The following WDR41 variants were observed in gnomAD, a reference collection of about 807,000 sequenced individuals.
WDR41 encodes WD repeat domain 41, also known as WD repeat-containing protein 41.
Under a neutral mutation model 69.3 loss-of-function variants are expected in WDR41, and 63 were observed. That is an observed-to-expected ratio of 0.91 (90% confidence interval 0.74 to 1.12). The LOEUF is 1.12. WDR41 is among the 50% of genes most tolerant of loss of function. The pLI, the probability that WDR41 is intolerant of heterozygous loss-of-function variation, is 0.00. For missense variants in WDR41, 543 were observed against 534.5 expected (o/e 1.02, Z -0.16); for synonymous variants, 185 against 192.1 (o/e 0.96, Z 0.31).
chr5:77,502,443 C>T (rs1205724167), intron 1 of WDR41, among the ~76,000 whole-genome samples: 1 of 152,124 alleles, frequency 6.6e-6, no homozygotes, highest in East Asian at 1.9e-4. Context: ...TTGGAAAACA[C>T]TCTTCAGGAT....
chr5:77,464,561 A>C (rs1800215180), intron 3 of WDR41, among the ~76,000 whole-genome samples, 200 bp downstream of exon 3: 1 of 152,060 alleles, frequency 6.6e-6, no homozygotes, highest in African/African-American at 2.4e-5. Context: ...AAAAAATCTC[A>C]ATTTAAAAAA....
intron 1 of WDR41, among the ~76,000 whole-genome samples, chr5:77,511,367 A>C (rs1802200448): frequency 6.6e-6 from 1 of 152,216 alleles, no homozygotes. Context: ...TGTGGAATTA[A>C]GGAGAATGCA....
At chr5:77,559,210 TG>T (rs1289739601) in intron 1 of WDR41, among the ~76,000 whole-genome samples, 3 of 152,212 alleles carry the variant, frequency 2.0e-5, no homozygotes, top group African/African-American at 7.2e-5. Flanking sequence ...ACTCCCACTG[TG>T]GCCAATTTCA....
upstream of WDR41, chr5:77,492,319 G>A (rs1163552654): frequency 2.0e-6 from 3 of 1,504,174 alleles, no homozygotes; most frequent in South Asian, 3.6e-5. Flanking sequence ...GCGCAACTGA[G>A]ACGCTAATAC....
intron 1 of WDR41, among the ~76,000 whole-genome samples, chr5:77,567,732 T>G (rs1396056440): frequency 6.6e-6 from 1 of 151,918 alleles, no homozygotes; most frequent in East Asian, 1.9e-4. Flanking sequence ...GAAACCTGTT[T>G]AAAATGAACA....
At chr5:77,486,275 T>C (rs955454924) in intron 2 of WDR41, among the ~76,000 whole-genome samples, 4 of 152,206 alleles carry the variant, frequency 2.6e-5, no homozygotes, top group Admixed American at 6.5e-5. Flanking sequence ...AACTTCATAG[T>C]TGATTATATG....
chr5:77,464,566 A>T (rs915885746), intron 3 of WDR41, among the ~76,000 whole-genome samples, 195 bp downstream of exon 3: 6 of 152,038 alleles, frequency 3.9e-5, no homozygotes, highest in Non-Finnish European at 7.4e-5. Flanking sequence ...ATCTCAATTT[A>T]AAAAAACTTT....
At chr5:77,468,755 G>T (rs530015829) in intron 2 of WDR41, among the ~76,000 whole-genome samples, 41 of 152,078 alleles carry the variant, frequency 2.7e-4, no homozygotes, top group Non-Finnish European at 5.4e-4. Context: ...GCACCCCAGT[G>T]GTTAACTTTC....
At chr5:77,600,698 G>A (rs912724231) in intron 1 of WDR41, among the ~76,000 whole-genome samples, 1 of 152,086 alleles carries the variant, frequency 6.6e-6, no homozygotes, top group Non-Finnish European at 1.5e-5. Flanking sequence ...TGGACAAGAT[G>A]GTGAAACCCC....
At chr5:77,561,712 T>C (rs1013681501) in intron 1 of WDR41, among the ~76,000 whole-genome samples, 4 of 152,142 alleles carry the variant, frequency 2.6e-5, no homozygotes, top group Admixed American at 6.6e-5. Context: ...CAACACAAAT[T>C]GTTCACTTCA....
At chr5:77,445,572 C>T (rs1370003706) in intron 8 of WDR41, among the ~76,000 whole-genome samples, 1 of 152,114 alleles carries the variant, frequency 6.6e-6, no homozygotes, top group African/African-American at 2.4e-5. Context: ...AAAGCTTATC[C>T]ACCATGATCA....
intron 1 of WDR41, among the ~76,000 whole-genome samples, chr5:77,502,311 A>C (rs1176432341): frequency 1.3e-5 from 2 of 152,286 alleles, no homozygotes; most frequent in Admixed American, 6.5e-5. Flanking sequence ...TGAGAAGAAA[A>C]GGTTAGAGAA....
intron 1 of WDR41, among the ~76,000 whole-genome samples, chr5:77,608,699 T>C (rs569073701): frequency 6.6e-6 from 1 of 152,342 alleles, no homozygotes; most frequent in East Asian, 1.9e-4. Flanking sequence ...TAGGAACGGC[T>C]CTGGTCTACA....
chr5:77,613,344 C>T (rs1304454799), intron 1 of WDR41, among the ~76,000 whole-genome samples: 1 of 152,150 alleles, frequency 6.6e-6, no homozygotes, highest in East Asian at 1.9e-4. Context: ...CAAGCCAATC[C>T]TAAGCCAAAA....
chr5:77,538,030 C>T (rs1224422650), intron 1 of WDR41, among the ~76,000 whole-genome samples: 1 of 149,512 alleles, frequency 6.7e-6, no homozygotes, highest in Non-Finnish European at 1.5e-5. Context: ...TTTAGGGTAT[C>T]CACCACCCAA....
intron 8 of WDR41, among the ~76,000 whole-genome samples, chr5:77,442,487 T>A (rs1799203464): frequency 6.6e-6 from 1 of 152,180 alleles, no homozygotes; most frequent in African/African-American, 2.4e-5. Context: ...TGGACTGGTG[T>A]TTAATACTGG....
intron 2 of WDR41, among the ~76,000 whole-genome samples, chr5:77,475,063 C>T (rs1800842490): frequency 6.6e-6 from 1 of 152,174 alleles, no homozygotes; most frequent in Non-Finnish European, 1.5e-5. Context: ...ACAGACGGCA[C>T]CTGGAAAATC....
At chr5:77,588,681 T>A (rs1488586385) in intron 1 of WDR41, among the ~76,000 whole-genome samples, 1 of 152,174 alleles carries the variant, frequency 6.6e-6, no homozygotes, top group African/African-American at 2.4e-5. Context: ...GATTAGCAAA[T>A]ACCAAATGAT....
At chr5:77,516,776 TG>T (rs1802296784) in intron 1 of WDR41, among the ~76,000 whole-genome samples, 2 of 152,118 alleles carry the variant, frequency 1.3e-5, no homozygotes, top group Admixed American at 1.3e-4. Context: ...CCTAGCACTT[TG>T]GGAGGCCGAG....
Sources: gnomAD v4.1 joint callset for allele counts (sites outside exome capture counted in the v4.1 genomes callset) on GRCh38, gnomAD v4.1.1 for gene constraint, MANE v1.5 for transcripts, NCBI Gene and HGNC (gene_info 2026-07-23, HGNC 2026-07-21) for gene names.